PPEF2: variants seen among roughly 807,000 people sequenced by gnomAD.
PPEF2 encodes protein phosphatase with EF-hand domain 2, also known as serine/threonine-protein phosphatase with EF-hands 2.
In PPEF2, 84 loss-of-function variants were observed where a neutral mutation model predicts 84.7. The observed-to-expected ratio is 0.99, with a 90% CI of 0.83 to 1.19. PPEF2 has a LOEUF of 1.19. Among genes scored for constraint, PPEF2 ranks in the 50% most tolerant of loss-of-function variants. The pLI is 0.00. For synonymous variants in PPEF2, 346 were observed against 345.2 expected (o/e 1.00, Z -0.03); for missense variants, 924 against 937.5 (o/e 0.99, Z 0.19).
At chr4:75,892,410 G>A (rs1301119559) in intron 2 of PPEF2, among the ~76,000 whole-genome samples, 2 of 152,154 alleles carry the variant, frequency 1.3e-5, no homozygotes, top group South Asian at 2.1e-4. Context: ...GGACACCTGG[G>A]ATCTAGACCT....
chr4:75,885,957 C>T (rs763844507), intron 7 of PPEF2, among the ~76,000 whole-genome samples: 6 of 151,644 alleles, frequency 4.0e-5, no homozygotes, highest in East Asian at 1.9e-4. Context: ...TGCAGTGAGC[C>T]GAGATCGTGC....
At chr4:75,888,406 T>A in intron 5 of PPEF2, 78 bp from the exon 6 acceptor site, 2 of 1,067,560 alleles carry the variant, frequency 1.9e-6, no homozygotes, top group Non-Finnish European at 1.4e-6. Flanking sequence ...CTTTACTGCT[T>A]AACAACCCCC....
chr4:75,871,403 G>A (rs1435181026), intron 13 of PPEF2, among the ~76,000 whole-genome samples: 2 of 152,114 alleles, frequency 1.3e-5, no homozygotes, highest in African/African-American at 4.8e-5. Flanking sequence ...ACCTCAGAAA[G>A]ACTTAGTGGT....
At chr4:75,882,175 A>G (rs1305563066) in intron 10 of PPEF2, among the ~76,000 whole-genome samples, 2 of 152,168 alleles carry the variant, frequency 1.3e-5, no homozygotes, top group East Asian at 3.9e-4. Flanking sequence ...TAGGGCAGGC[A>G]CCATCTCTGT....
chr4:75,887,063 T>C (rs72651343), intron 6 of PPEF2, among the ~76,000 whole-genome samples, 165 bp from the exon 7 acceptor site: 2,214 of 152,308 alleles, frequency 0.015, 30 homozygotes, highest in African/African-American at 0.031. Flanking sequence ...ATTGCAGAGA[T>C]AGTATTGAAA....
intron 10 of PPEF2, among the ~76,000 whole-genome samples, chr4:75,878,998 A>G (rs1466156156): frequency 1.3e-5 from 2 of 152,226 alleles, no homozygotes; most frequent in African/African-American, 4.8e-5. Context: ...CCTGATGACT[A>G]GCAAATGATT....
rs1410973309 is a variant in PPEF2, at chr4:75,883,075, C to T, written c.784G>A (p.Val262Ile). 6.2e-7 allele frequency: 1 copy of T among 1,613,636 alleles called. No homozygotes were observed. The highest frequency in any genetic ancestry group is 1.7e-5 in the Admixed American group (1 of 59,948). Residue 262 changes from valine to isoleucine, a missense_variant and splice_region_variant, in exon 10 of 17, where the codon GTA becomes ATA. Physicochemically the swap from Val to Ile is conservative, Grantham distance 29 (BLOSUM62 3). Coordinates refer to ENST00000286719, the MANE Select transcript of PPEF2 (RefSeq NM_006239.3). ...FTKEVMNKYK[V>I]HGKEILRTLQ... ...GTTCTTAGTATTTCCTTCCCGTGTA[C>T]CTGGAAAAAATGATATAAACAAAAT...
rs1399442190 is a variant in PPEF2, at chr4:75,891,933, A to G, written c.101T>C (p.Val34Ala). The change falls in exon 3 of 17, where the codon GTG becomes GCG. Residue 34 changes from valine (V) to alanine (A), a missense_variant. By Grantham distance (64) the Val-to-Ala change is moderately conservative. Transcript: ENST00000286719. ...ALIQRWYRRY[V>A]ARLEMRRRCT... is the part of the protein sequence containing the mutation. ...ACGCCGCCTCATCTCCAGGCGGGCC[A>G]CGTAGCGCCGGTACCATCTCTGGAT... The G allele has an allele frequency of 6.2e-7, 1 of 1,614,014 alleles. No individual in the cohort carries two copies. The highest frequency in any genetic ancestry group is 8.5e-7 in the Non-Finnish European group (1 of 1,180,012).
chr4:75,888,624 A>G (rs1724795088), intron 5 of PPEF2, among the ~76,000 whole-genome samples: 1 of 152,190 alleles, frequency 6.6e-6, no homozygotes, highest in Admixed American at 6.5e-5. Context: ...TGATTGTTTC[A>G]GTAAAGTATG....
intron 8 of PPEF2, among the ~76,000 whole-genome samples, chr4:75,883,804 C>T (rs1387415066): frequency 1.2e-4 from 13 of 109,528 alleles, no homozygotes; most frequent in African/African-American, 5.0e-4. Flanking sequence ...GGTGACCAAG[C>T]GAGACTCCGT....
intron 16 of PPEF2, among the ~76,000 whole-genome samples, chr4:75,862,049 C>T (rs1724017675): frequency 6.6e-6 from 1 of 151,524 alleles, no homozygotes; most frequent in Non-Finnish European, 1.5e-5. Flanking sequence ...AATCCCAGCA[C>T]TTTGGGAGGC....
chr4:75,890,988 G>C (rs1724863229), intron 4 of PPEF2, among the ~76,000 whole-genome samples: 1 of 152,064 alleles, frequency 6.6e-6, no homozygotes, highest in South Asian at 2.1e-4. Flanking sequence ...TTCAAGACCA[G>C]CCTGGTTAAC....
At chr4:75,886,488 G>A (rs925880455) in intron 7 of PPEF2, among the ~76,000 whole-genome samples, 1 of 152,180 alleles carries the variant, frequency 6.6e-6, no homozygotes. Flanking sequence ...TTCGCACTGA[G>A]CAGAGCAGCT....
chr4:75,900,290 G>C (rs562592133), intron 1 of PPEF2, among the ~76,000 whole-genome samples: 1 of 152,082 alleles, frequency 6.6e-6, no homozygotes, highest in Non-Finnish European at 1.5e-5. Context: ...AGAATAAGAT[G>C]ACCTACAAAG....
intron 7 of PPEF2, 146 bp downstream of exon 7, chr4:75,886,706 T>G: frequency 5.3e-6 from 2 of 376,762 alleles, no homozygotes; most frequent in South Asian, 8.7e-5. Flanking sequence ...GGTGGCAGAT[T>G]GAGACCCCCA....
chr4:75,876,278 C>A lies in PPEF2; in HGVS notation c.1320+9G>T. 6.3e-7 allele frequency: 1 copy of A among 1,583,264 alleles called. No individual in the cohort carries two copies. The highest frequency in any genetic ancestry group is 1.3e-5 in the African/African-American group (1 of 74,322). On this transcript the variant is annotated intron_variant, in intron 11 of 16. Transcript: ENST00000286719. ...CACATGCTAGGAAGCAGCGCCTGGC[C>A]ACGCTCACCTGCCTCCACTCCTCCT...
chr4:75,864,884 A>G (rs758023751), intron 15 of PPEF2, among the ~76,000 whole-genome samples: 1 of 152,210 alleles, frequency 6.6e-6, no homozygotes, highest in Non-Finnish European at 1.5e-5. Flanking sequence ...AAGTTTAAAC[A>G]TAAAATTAAT....
At chr4:75,883,815 C>A (rs1724642657) in intron 8 of PPEF2, among the ~76,000 whole-genome samples, 1 of 42,734 alleles carries the variant, frequency 2.3e-5, no homozygotes, top group African/African-American at 1.2e-4. Context: ...GAGACTCCGT[C>A]ACAAAAAAAA....
intron 10 of PPEF2, among the ~76,000 whole-genome samples, chr4:75,880,964 T>C (rs1341091911): frequency 2.0e-5 from 3 of 151,788 alleles, no homozygotes; most frequent in African/African-American, 7.3e-5. Flanking sequence ...CATGCCCGGC[T>C]AATTTTTTTG....
Sources: gnomAD v4.1 joint callset for allele counts (sites outside exome capture counted in the v4.1 genomes callset) on GRCh38, gnomAD v4.1.1 for gene constraint, MANE v1.5 for transcripts, NCBI Gene and HGNC (gene_info 2026-07-23, HGNC 2026-07-21) for gene names.